Variants in GPC3 observed in about 807,000 individuals in gnomAD.
GPC3 encodes glypican-3.
GPC3 carries 3 observed loss-of-function variants against 34.4 expected under a neutral mutation model. That is an observed-to-expected ratio of 0.09 (90% CI 0.04 to 0.23). GPC3 has a LOEUF of 0.23. Ranked by LOEUF, GPC3 falls within the 10% of genes least tolerant of loss-of-function variation. The pLI is 1.00. For synonymous variants in GPC3, 177 were observed against 174.0 expected (o/e 1.02, Z -0.13); for missense variants, 351 against 445.6 (o/e 0.79, Z 1.91).
intron 2 of GPC3, among the ~76,000 whole-genome samples, chrX:133,888,496 C>G (rs2076071858): frequency 8.9e-6 from 1 of 111,854 alleles, no homozygotes; most frequent in South Asian, 3.8e-4. Context: ...GAGGAATTGC[C>G]ACACTGTCTT....
chrX:133,903,852 C>A (rs938492601), intron 2 of GPC3, among the ~76,000 whole-genome samples: 1 of 111,011 alleles, frequency 9.0e-6, no homozygotes, highest in African/African-American at 3.3e-5. Context: ...CGACCCTGAC[C>A]GAGATGTACT....
At chrX:133,591,039 G>A (rs1042801366) in intron 7 of GPC3, among the ~76,000 whole-genome samples, 2 of 111,946 alleles carry the variant, frequency 1.8e-5, no homozygotes, top group Non-Finnish European at 3.8e-5. Flanking sequence ...CAGAACCTGC[G>A]TGTCCTGCAC....
chrX:133,856,248 G>A (rs139262750), intron 2 of GPC3, among the ~76,000 whole-genome samples: 2,049 of 111,065 alleles, frequency 0.018, 15 homozygotes, highest in Non-Finnish European at 0.029. Flanking sequence ...GTATACAAGA[G>A]TTTCTCTTCC....
At chrX:133,649,585 T>C (rs147538141) in intron 6 of GPC3, among the ~76,000 whole-genome samples, 5,293 of 111,317 alleles carry the variant, frequency 0.048, 318 homozygotes, top group African/African-American at 0.16. Context: ...TTGCTCCCCA[T>C]GGGGATACCC....
chrX:133,722,058 A>AATT (rs1160348242), intron 3 of GPC3, among the ~76,000 whole-genome samples: 2 of 111,425 alleles, frequency 1.8e-5, no homozygotes, highest in African/African-American at 6.5e-5. Flanking sequence ...TAGTACTCTA[A>AATT]ATACAAAAGG....
At chrX:133,882,117 C>T (rs974390894) in intron 2 of GPC3, among the ~76,000 whole-genome samples, 2 of 111,819 alleles carry the variant, frequency 1.8e-5, no homozygotes. Context: ...CTCCTTTAGT[C>T]GGAGGACCAA....
intron 2 of GPC3, among the ~76,000 whole-genome samples, chrX:133,949,874 T>C (rs915292326): frequency 1.8e-5 from 2 of 112,189 alleles, no homozygotes; most frequent in Non-Finnish European, 3.8e-5. Flanking sequence ...AGGAAAGCCA[T>C]GTCACGTGAT....
At chrX:133,740,760 C>G (rs1434079741) in intron 3 of GPC3, among the ~76,000 whole-genome samples, 1 of 110,949 alleles carries the variant, frequency 9.0e-6, no homozygotes, top group East Asian at 2.8e-4. Context: ...AATGTAGAAG[C>G]CCTATATCTT....
At chrX:133,920,998 A>G (rs1031805104) in intron 2 of GPC3, among the ~76,000 whole-genome samples, 1 of 111,740 alleles carries the variant, frequency 8.9e-6, no homozygotes, top group Admixed American at 9.5e-5. Context: ...ACAATACCAC[A>G]TTGCATTTAC....
At chrX:133,775,806 T>C (rs2071972843) in intron 2 of GPC3, among the ~76,000 whole-genome samples, 1 of 111,930 alleles carries the variant, frequency 8.9e-6, no homozygotes, top group African/African-American at 3.3e-5. Context: ...TCTCTGAGAA[T>C]CATAAGCATA....
At chrX:133,778,091 A>C (rs1388097984) in intron 2 of GPC3, among the ~76,000 whole-genome samples, 1 of 112,485 alleles carries the variant, frequency 8.9e-6, no homozygotes, top group Admixed American at 9.4e-5. Flanking sequence ...AGGGTTGCAC[A>C]CTACTAAAGA....
chrX:133,810,460 G>A (rs2075658341), intron 2 of GPC3, among the ~76,000 whole-genome samples: 1 of 111,835 alleles, frequency 8.9e-6, no homozygotes. Flanking sequence ...GCACTGATTT[G>A]GAGGGAAGAG....
intron 2 of GPC3, among the ~76,000 whole-genome samples, chrX:133,809,597 CA>C (rs1252002651): frequency 2.7e-5 from 3 of 111,723 alleles, no homozygotes; most frequent in Non-Finnish European, 5.6e-5. Context: ...TCCTCCTACT[CA>C]GAGTCATTAG....
At chrX:133,914,893 A>C (rs1187800847) in intron 2 of GPC3, among the ~76,000 whole-genome samples, 6 of 99,988 alleles carry the variant, frequency 6.0e-5, no homozygotes, top group Non-Finnish European at 1.0e-4. Flanking sequence ...AAAAAAAAAA[A>C]CAACCAGATA....
intron 7 of GPC3, among the ~76,000 whole-genome samples, chrX:133,575,569 G>A (rs1344070401): frequency 1.8e-5 from 2 of 111,813 alleles, no homozygotes; most frequent in Admixed American, 9.5e-5. Context: ...GCACTGGACC[G>A]AAGAACAGCA....
chrX:133,844,339 C>T (rs2075838396), intron 2 of GPC3, among the ~76,000 whole-genome samples: 1 of 112,241 alleles, frequency 8.9e-6, no homozygotes, highest in East Asian at 2.8e-4. Flanking sequence ...TGTTAATTAG[C>T]TTGATTGTGA....
At chrX:133,584,704 C>G (rs1380890672) in intron 7 of GPC3, among the ~76,000 whole-genome samples, 3 of 110,850 alleles carry the variant, frequency 2.7e-5, no homozygotes, top group Non-Finnish European at 3.8e-5. Flanking sequence ...GTCTTGAACT[C>G]CTATGCTCAA....
intron 6 of GPC3, among the ~76,000 whole-genome samples, chrX:133,600,119 ATATCTTT>A (rs1460735069): frequency 8.9e-6 from 1 of 111,751 alleles, no homozygotes; most frequent in Non-Finnish European, 1.9e-5. Flanking sequence ...TTAATCTTAT[ATATCTTT>A]GAACCCCAGA....
intron 2 of GPC3, among the ~76,000 whole-genome samples, chrX:133,934,593 G>A (rs924743519): frequency 9.1e-6 from 1 of 109,868 alleles, no homozygotes; most frequent in Non-Finnish European, 1.9e-5. Context: ...GCTCACTGCA[G>A]TCTTGACCTC....
Sources: gnomAD v4.1 joint callset for allele counts (sites outside exome capture counted in the v4.1 genomes callset) on GRCh38, gnomAD v4.1.1 for gene constraint, MANE v1.5 for transcripts, NCBI Gene and HGNC (gene_info 2026-07-23, HGNC 2026-07-21) for gene names.